The following GRK4 variants were observed in gnomAD, a reference collection of about 807,000 sequenced individuals.
GRK4 encodes the protein G protein-coupled receptor kinase 4.
Under a neutral mutation model 77.9 loss-of-function variants are expected in GRK4, and 73 were observed. That is an observed-to-expected ratio of 0.94 (90% CI 0.78 to 1.14). The LOEUF (loss-of-function observed/expected upper bound fraction) is 1.14, where lower values mean the gene tolerates loss of function less well. Among genes scored for constraint, GRK4 ranks in the 50% most tolerant of loss-of-function variants. GRK4 has a pLI of 0.00. For synonymous variants in GRK4, 257 were observed against 254.4 expected, an observed-to-expected ratio of 1.01 and a Z score of -0.10; for missense variants, 729 against 700.2, an observed-to-expected ratio of 1.04 and a Z score of -0.46.
chr4:2,997,004 G>C (rs1174397985), intron 4 of GRK4, among the ~76,000 whole-genome samples: 1 of 152,142 alleles, frequency 6.6e-6, no homozygotes, highest in Non-Finnish European at 1.5e-5. Flanking sequence ...AGGCTCTCTT[G>C]ATGCCAGGAG....
At chr4:3,017,720 C>T (rs928742976) in intron 8 of GRK4, among the ~76,000 whole-genome samples, 1 of 152,094 alleles carries the variant, frequency 6.6e-6, no homozygotes, top group Non-Finnish European at 1.5e-5. Context: ...TAATTTATCA[C>T]GTTACCAGAA....
intron 1 of GRK4, among the ~76,000 whole-genome samples, chr4:2,972,847 G>T (rs891326002): frequency 6.6e-6 from 1 of 152,136 alleles, no homozygotes; most frequent in Non-Finnish European, 1.5e-5. Flanking sequence ...CAGCTCTCCT[G>T]CCTCAGCGTC....
intron 7 of GRK4, among the ~76,000 whole-genome samples, chr4:3,011,382 A>G (rs1732869742): frequency 1.3e-5 from 2 of 152,350 alleles, no homozygotes; most frequent in South Asian, 4.1e-4. Flanking sequence ...GAAGTTCCAG[A>G]TCAGCCTAGG....
chr4:3,017,288 C>G (rs1375380405), intron 8 of GRK4, among the ~76,000 whole-genome samples: 3 of 152,150 alleles, frequency 2.0e-5, no homozygotes, highest in Non-Finnish European at 4.4e-5. Flanking sequence ...CCCTCTTGCC[C>G]TTGGTCTCCC....
At chr4:3,010,626 T>C (rs1166318346) in intron 7 of GRK4, among the ~76,000 whole-genome samples, 2 of 152,144 alleles carry the variant, frequency 1.3e-5, no homozygotes, top group Non-Finnish European at 2.9e-5. Context: ...TAAAGAGATA[T>C]TAATTACCTT....
intron 1 of GRK4, among the ~76,000 whole-genome samples, chr4:2,976,631 C>CTTTTTTTTTTTTTTT (rs769469513): frequency 8.5e-6 from 1 of 117,352 alleles, no homozygotes; most frequent in Non-Finnish European, 1.8e-5. Context: ...TTCTTTCTTT[C>CTTTTTTTTTTTTTTT]TTTTTTTTTT....
intron 1 of GRK4, among the ~76,000 whole-genome samples, chr4:2,981,030 G>C (rs1421850939): frequency 2.0e-5 from 3 of 152,246 alleles, no homozygotes; most frequent in African/African-American, 7.2e-5. Flanking sequence ...CTGGTTACCT[G>C]CTGTGGCTGT....
In GRK4 at chr4:3,035,192, C is replaced by T. The variant is rs575370551; in HGVS notation, c.1270-194C>T. On this transcript the variant is annotated intron_variant, in intron 12 of 15. Transcript: ENST00000398052. ...CCCGGGAGGCTGAGCTTGCAGTGAG[C>T]CGAGATCGCACCACTGCACTCCAGC... Among the ~76,000 whole-genome samples the T allele has an allele frequency of 1.1e-4, 16 of 152,052 alleles. 1 individual carries two copies. In the South Asian group the frequency reaches 3.3e-3, roughly 32 times the overall value.
intron 12 of GRK4, among the ~76,000 whole-genome samples, chr4:3,033,616 A>G (rs1739756965): frequency 6.6e-6 from 1 of 152,144 alleles, no homozygotes; most frequent in South Asian, 2.1e-4. Context: ...AGTCTCAAGA[A>G]ACAGATCTGG....
Position 3,029,322 on chromosome 4 carries a change from A to G in GRK4, c.1182A>G (p.Lys394=). The G allele has an allele frequency of 6.2e-7, 1 of 1,614,194 alleles. No individual in the cohort carries two copies. Among genetic ancestry groups the G allele is most frequent in the Non-Finnish European group, 8.5e-7 (1 of 1,180,016 alleles). Residue 394 remains lysine, a synonymous_variant, in exon 12 of 16, where the codon AAA becomes AAG. Transcript: ENST00000398052. ...TCAAAAAATACAAAGAGAAAGTCAAATGGGAGGAGGTCGATCAAAGAATCA... is the reference window on the plus strand; with the variant it reads ...TCAAAAAATACAAAGAGAAAGTCAAGTGGGAGGAGGTCGATCAAAGAATCA... ...SPFKKYKEKV[K]WEEVDQRIKN...
intron 4 of GRK4, among the ~76,000 whole-genome samples, chr4:2,998,221 G>C (rs1330320497): frequency 2.0e-5 from 3 of 152,108 alleles, no homozygotes; most frequent in Non-Finnish European, 4.4e-5. Context: ...AGCTGGGCAT[G>C]GTGGTAGGCA....
chr4:2,987,439 A>G (rs909969347), intron 2 of GRK4, among the ~76,000 whole-genome samples: 1 of 152,234 alleles, frequency 6.6e-6, no homozygotes, highest in Admixed American at 6.5e-5. Flanking sequence ...TAAAATATAC[A>G]TAACAAAAAT....
At chr4:2,989,665 T>C (rs962266659) in intron 3 of GRK4, among the ~76,000 whole-genome samples, 7 of 152,222 alleles carry the variant, frequency 4.6e-5, no homozygotes, top group Admixed American at 2.6e-4. Flanking sequence ...TGGCCAATGC[T>C]CTTAACTTAA....
At chr4:2,998,327 A>C (rs1728556130) in intron 4 of GRK4, among the ~76,000 whole-genome samples, 1 of 152,196 alleles carries the variant, frequency 6.6e-6, no homozygotes, top group South Asian at 2.1e-4. Context: ...ATTGCACTCC[A>C]GCCTGGGCAA....
intron 12 of GRK4, among the ~76,000 whole-genome samples, chr4:3,030,691 T>A (rs983306232): frequency 6.7e-6 from 1 of 149,766 alleles, no homozygotes; most frequent in African/African-American, 2.5e-5. Context: ...AGAGATTGTC[T>A]GCAATAGCAA....
At chr4:2,980,329 C>T (rs1331217342) in intron 1 of GRK4, among the ~76,000 whole-genome samples, 2 of 152,092 alleles carry the variant, frequency 1.3e-5, no homozygotes, top group Non-Finnish European at 2.9e-5. Flanking sequence ...AGCCTAGCAC[C>T]TTGACTTGTT....
intron 4 of GRK4, among the ~76,000 whole-genome samples, chr4:2,995,469 G>T (rs1727548772): frequency 7.4e-6 from 1 of 134,910 alleles, no homozygotes; most frequent in Non-Finnish European, 1.5e-5. Context: ...AGGAGTTCGA[G>T]ACCAGCCTGG....
In GRK4 at chr4:3,004,329, T is replaced by C. The variant is rs763583414; in HGVS notation, c.438T>C (p.Cys146=). The C allele has an allele frequency of 8.2e-6, 13 of 1,592,922 alleles. No homozygotes were observed. The highest frequency in any genetic ancestry group is 1.0e-5 in the Non-Finnish European group (12 of 1,160,666). The stretch of plus-strand genomic sequence containing the variant: ...CTTCCAAAAAAGCCTTTGAGGAATG[T>C]ACTAGGTAAGTGGTTCATGCTGAGC... ...ENPSKKAFEE[C]TRVAHNYLRG... is the part of the protein sequence containing the mutation. The change falls in exon 5 of 16, where the codon TGT becomes TGC. Residue 146 remains cysteine (C), a synonymous_variant. Coordinates refer to ENST00000398052, the MANE Select transcript of GRK4 (RefSeq NM_182982.3).
At chr4:2,993,074 G>A (rs1034914127) in intron 4 of GRK4, among the ~76,000 whole-genome samples, 1 of 151,982 alleles carries the variant, frequency 6.6e-6, no homozygotes, top group African/African-American at 2.4e-5. Context: ...GATGTCATGA[G>A]GAAACTAACA....
Sources: allele counts gnomAD v4.1 joint callset (sites outside exome capture counted in the v4.1 genomes callset), GRCh38; gene constraint gnomAD v4.1.1; transcripts MANE v1.5; gene names NCBI Gene and HGNC (gene_info 2026-07-23, HGNC 2026-07-21).